The following PTPRN2 variants were observed in gnomAD, a reference collection of about 807,000 sequenced individuals.
PTPRN2 encodes protein tyrosine phosphatase receptor type N2.
In PTPRN2, 74 loss-of-function variants were observed where a neutral mutation model predicts 118.8. The ratio of observed to expected loss-of-function variants is 0.62; its 90% CI spans 0.52 to 0.76. The LOEUF (loss-of-function observed/expected upper bound fraction) is 0.76. PTPRN2 is among the 30% of genes least tolerant of loss of function. The probability of loss-of-function intolerance (pLI) is 0.00; values close to 1 mark genes in which losing one functional copy is unlikely to be tolerated. For missense variants in PTPRN2, 1,481 were observed against 1,394.4 expected (o/e 1.06, Z -0.99); for synonymous variants, 641 against 608.0 (o/e 1.05, Z -0.80).
chr7:158,317,953 G>A (rs1435076472), intron 2 of PTPRN2, among the ~76,000 whole-genome samples: 6 of 152,226 alleles, frequency 3.9e-5, no homozygotes, highest in Non-Finnish European at 2.9e-5. Flanking sequence ...ATGGGACTTT[G>A]CAAAGCCCAG....
chr7:157,624,597 A>C (rs1248926269), intron 14 of PTPRN2, among the ~76,000 whole-genome samples: 1 of 152,204 alleles, frequency 6.6e-6, no homozygotes, highest in Non-Finnish European at 1.5e-5. Flanking sequence ...TGAACACTGA[A>C]CTGAAAGTGA....
chr7:157,752,366 G>A (rs1344936957), intron 12 of PTPRN2, among the ~76,000 whole-genome samples: 2 of 152,210 alleles, frequency 1.3e-5, no homozygotes, highest in Admixed American at 1.3e-4. Context: ...AGCCCCAGAG[G>A]GGGCAGGCTT....
intron 16 of PTPRN2, among the ~76,000 whole-genome samples, chr7:157,599,705 G>A (rs1021728485): frequency 2.0e-5 from 3 of 152,208 alleles, no homozygotes; most frequent in Non-Finnish European, 2.9e-5. Flanking sequence ...AACCAGCCCC[G>A]GCCTCTGGCA....
intron 2 of PTPRN2, among the ~76,000 whole-genome samples, chr7:158,450,331 G>T (rs1363792758): frequency 6.6e-6 from 1 of 152,214 alleles, no homozygotes; most frequent in Non-Finnish European, 1.5e-5. Context: ...CATAACCGCT[G>T]CCTCAGAGAA....
rs1377652287 is a variant in PTPRN2 at position 158,547,166 on chromosome 7, A to AGAT, written c.112+40389_112+40391dup. Among the ~76,000 whole-genome samples, 4 of 152,292 alleles carry AGAT rather than the reference A, an allele frequency of 2.6e-5. No individual in the cohort carries two copies. In the East Asian group the frequency reaches 7.7e-4, roughly 29 times the overall value. On this transcript the variant is annotated intron_variant, in intron 1 of 22. Coordinates refer to ENST00000389418, the MANE Select transcript of PTPRN2 (RefSeq NM_002847.5). Reference sequence around the variant, plus strand: ...ACTAAACTTTTTTTTAACTGTGGTAAGATGCACATAACATAAATAAAATTT... The same window carrying AGAT: ...ACTAAACTTTTTTTTAACTGTGGTAAGATGATGCACATAACATAAATAAAATTT...
intron 2 of PTPRN2, among the ~76,000 whole-genome samples, chr7:158,423,120 A>T (rs1314374636): frequency 1.3e-5 from 2 of 152,216 alleles, no homozygotes; most frequent in African/African-American, 4.8e-5. Flanking sequence ...TTTATCTCCA[A>T]CGCTGTCACT....
At chr7:158,236,338 C>T (rs943373015) in intron 3 of PTPRN2, among the ~76,000 whole-genome samples, 3 of 152,148 alleles carry the variant, frequency 2.0e-5, no homozygotes, top group East Asian at 1.9e-4. Flanking sequence ...TAGGTAGGGC[C>T]GCTTGTGCTC....
chr7:157,771,820 CACAGAA>C (rs1802838281), intron 12 of PTPRN2, among the ~76,000 whole-genome samples: 1 of 143,600 alleles, frequency 7.0e-6, no homozygotes, highest in Non-Finnish European at 1.5e-5. Context: ...CAGACACAGA[CACAGAA>C]ACACACAGAC....
intron 11 of PTPRN2, among the ~76,000 whole-genome samples, chr7:158,049,317 G>A (rs1026987022): frequency 2.6e-5 from 4 of 152,104 alleles, no homozygotes; most frequent in Admixed American, 6.5e-5. Context: ...CTCCACTCCC[G>A]ATTCTCTGTG....
intron 2 of PTPRN2, among the ~76,000 whole-genome samples, chr7:158,460,154 C>T (rs1458657976): frequency 4.1e-5 from 3 of 73,530 alleles, no homozygotes; most frequent in Non-Finnish European, 5.6e-5. Context: ...TATCTACATG[C>T]TCCTCCTAGA....
chr7:158,014,311 C>T (rs1806277401), intron 11 of PTPRN2, among the ~76,000 whole-genome samples: 1 of 150,382 alleles, frequency 6.6e-6, no homozygotes. Context: ...AGCATCCATC[C>T]ACCCATCCAT....
At chr7:157,930,084 A>G (rs1048846656) in intron 11 of PTPRN2, among the ~76,000 whole-genome samples, 1 of 152,164 alleles carries the variant, frequency 6.6e-6, no homozygotes, top group Non-Finnish European at 1.5e-5. Flanking sequence ...GTTGAATCAC[A>G]TCACAAATGC....
chr7:157,672,045 G>A (rs554734772), intron 13 of PTPRN2, among the ~76,000 whole-genome samples: 1 of 152,258 alleles, frequency 6.6e-6, no homozygotes. Context: ...AGAGGGTGCT[G>A]GGAGCAGCCG....
At chr7:157,852,639 GAA>G in intron 12 of PTPRN2, among the ~76,000 whole-genome samples, 1 of 152,186 alleles carries the variant, frequency 6.6e-6, no homozygotes, top group Non-Finnish European at 1.5e-5. Flanking sequence ...GGGAGGCTGA[GAA>G]GGGCGGATCA....
chr7:157,682,615 T>C, intron 13 of PTPRN2, 110 bp downstream of exon 13: 2 of 1,159,210 alleles, frequency 1.7e-6, no homozygotes, highest in East Asian at 4.7e-5. Context: ...CCCCAAACTA[T>C]GATACAGGAA....
rs1826318571 is a variant in PTPRN2, at chr7:158,546,840, G to C, written c.112+40718C>G. ...GCACACACAGGGCATGGGCACTCCA[G>C]AGGGGCTCAGCTTATGGTTAACGCT... On this transcript the variant is annotated intron_variant, in intron 1 of 22. Transcript: ENST00000389418. The surrounding 1 kb of genome is among the most constrained non-coding windows in gnomAD (Gnocchi z 5.0). 1.3e-5 allele frequency among the ~76,000 whole-genome samples: 2 copies of C among 152,254 alleles called. No homozygotes were observed. Among genetic ancestry groups the C allele is most frequent in the South Asian group, 2.1e-4 (1 of 4,834 alleles).
Position 157,868,355 on chromosome 7 carries a change from G to A in PTPRN2, c.1788+30318C>T, listed in dbSNP as rs767239651. On this transcript the variant is annotated intron_variant, in intron 12 of 22. Coordinates refer to ENST00000389418, the MANE Select transcript of PTPRN2 (RefSeq NM_002847.5). This position sits in a 1 kb window ranked among gnomAD's most constrained non-coding sequence, Gnocchi z 5.2. ...CTGAGCTTGTTTCCATCATCTCCAC[G>A]ATGAACGTAGGACACCAGGACATTG... 1.2e-4 allele frequency among the ~76,000 whole-genome samples: 19 copies of A among 152,130 alleles called. No individual in the cohort carries two copies. Among genetic ancestry groups the A allele is most frequent in the Admixed American group, 4.6e-4 (7 of 15,280 alleles).
intron 2 of PTPRN2, among the ~76,000 whole-genome samples, chr7:158,349,757 T>C (rs553360608): frequency 3.0e-5 from 3 of 99,156 alleles, no homozygotes; most frequent in African/African-American, 1.3e-4. Context: ...AGGGCAGTGC[T>C]GAGGGTGGCC....
intron 16 of PTPRN2, among the ~76,000 whole-genome samples, chr7:157,599,194 G>C (rs1191841027): frequency 6.6e-6 from 1 of 152,138 alleles, no homozygotes; most frequent in Non-Finnish European, 1.5e-5. Flanking sequence ...ATTTTTAGTA[G>C]AGATGGGGTT....
Sources: allele counts gnomAD v4.1 joint callset (sites outside exome capture counted in the v4.1 genomes callset), GRCh38; gene constraint gnomAD v4.1.1; non-coding constraint Gnocchi (gnomAD v3.1); transcripts MANE v1.5; gene names NCBI Gene and HGNC (gene_info 2026-07-23, HGNC 2026-07-21).